The following MOV10L1 variants were observed in gnomAD, a reference collection of about 807,000 sequenced individuals.
MOV10L1 encodes the protein RNA helicase Mov10l1.
MOV10L1 carries 110 observed loss-of-function variants against 143.8 expected under a neutral mutation model. The observed-to-expected ratio is 0.76, with a 90% CI of 0.66 to 0.90. The LOEUF (loss-of-function observed/expected upper bound fraction) is 0.90, where lower values mean the gene tolerates loss of function less well. Among genes scored for constraint, MOV10L1 ranks in the 40% least tolerant of loss-of-function variants. The probability of loss-of-function intolerance (pLI) is 0.00; values close to 1 mark genes in which losing one functional copy is unlikely to be tolerated. For missense variants in MOV10L1, 1,406 were observed against 1,526.8 expected (o/e 0.92, Z 1.32); for synonymous variants, 593 against 581.1 (o/e 1.02, Z -0.29).
At chr22:50,151,923 G>A (rs1439372276) in intron 21 of MOV10L1, among the ~76,000 whole-genome samples, 4 of 152,212 alleles carry the variant, frequency 2.6e-5, no homozygotes, top group South Asian at 4.1e-4. Context: ...CAACCAGAGC[G>A]GCTGCCACAG....
intron 9 of MOV10L1, among the ~76,000 whole-genome samples, chr22:50,117,888 G>A (rs527322887): frequency 6.6e-6 from 1 of 152,274 alleles, no homozygotes; most frequent in South Asian, 2.1e-4. Flanking sequence ...TCTCAGGAAA[G>A]CACTTCACAT....
Position 50,102,076 on chromosome 22 carries a change from G to A in MOV10L1, c.442+2474G>A, listed in dbSNP as rs575614304. Among the ~76,000 whole-genome samples the A allele has an allele frequency of 5.3e-5, 8 of 152,136 alleles. No homozygotes were observed. The South Asian group carries it at 1.0e-3, about 20-fold the overall frequency. On this transcript the variant is annotated intron_variant, in intron 3 of 26. Transcript: ENST00000262794. ...AGGTGTCCCCTGAGTAATAAAGATG[G>A]GCAGGGATCCGGAGCCCAGGCCAAG... is the stretch of plus-strand genomic sequence containing the variant.
intron 6 of MOV10L1, 128 bp downstream of exon 6, chr22:50,113,916 T>TTTTC: frequency 1.4e-6 from 1 of 698,834 alleles, no homozygotes; most frequent in Non-Finnish European, 1.9e-6. Flanking sequence ...TCTTTTCTTT[T>TTTTC]TTTTTTTTTT....
At chr22:50,107,214 A>G (rs9617026) in intron 3 of MOV10L1, among the ~76,000 whole-genome samples, 34,141 of 151,234 alleles carry the variant, frequency 0.23, 4,310 homozygotes, top group Admixed American at 0.35. Flanking sequence ...AGCTGGGACT[A>G]CAGGCGCCTA....
Position 50,142,950 on chromosome 22 carries a change from C to A in MOV10L1, c.2180-93C>A, listed in dbSNP as rs112070205. 2.8e-5 allele frequency: 34 copies of A among 1,226,298 alleles called. 1 individual carries two copies. The highest frequency in any genetic ancestry group is 2.7e-4 in the African/African-American group (18 of 66,600). 76.0% of individuals were successfully genotyped at this position (1,226,298 alleles called of 1,614,324 possible). A position where few individuals can be genotyped will look rare whatever the true frequency, so the allele number is the denominator to read the frequency against. ...CTGTGACTCTGATTTAGCCTTTGCA[C>A]AGACGTGCTGACGCCTGACCTAGGT... On this transcript the variant is annotated intron_variant, in intron 16 of 26. Transcript: ENST00000262794.
chr22:50,140,039 C>T (rs1301240516), intron 15 of MOV10L1, among the ~76,000 whole-genome samples: 1 of 152,236 alleles, frequency 6.6e-6, no homozygotes, highest in African/African-American at 2.4e-5. Context: ...ACAAAGTTCA[C>T]AGCAGCTGGG....
At chr22:50,141,190 A>G (rs2062974738) in intron 15 of MOV10L1, among the ~76,000 whole-genome samples, 1 of 152,140 alleles carries the variant, frequency 6.6e-6, no homozygotes, top group Non-Finnish European at 1.5e-5. Context: ...AGCTGGTGGC[A>G]CCACGGCCAG....
intron 19 of MOV10L1, among the ~76,000 whole-genome samples, chr22:50,147,998 G>A (rs545024894): frequency 1.4e-4 from 21 of 152,352 alleles, no homozygotes; most frequent in African/African-American, 3.4e-4. Flanking sequence ...GCCCGCCCCC[G>A]CACAGGTCTG....
intron 15 of MOV10L1, among the ~76,000 whole-genome samples, chr22:50,137,112 G>T (rs1309577745): frequency 1.3e-5 from 2 of 152,064 alleles, no homozygotes; most frequent in Non-Finnish European, 2.9e-5. Context: ...CACCCAGCAA[G>T]GTATAAAATG....
rs527305030 is a variant in MOV10L1 at position 50,116,621 on chromosome 22, ATG to A, written c.1260-532_1260-531del. Among the ~76,000 whole-genome samples, 35 of 146,884 alleles carry A rather than the reference ATG, an allele frequency of 2.4e-4. No homozygotes were observed. In the South Asian group the frequency reaches 7.3e-3, roughly 31 times the overall value. ...TATCAAAATTTTTTCCTACTCTTATATGTGTTAGGATTACAAAAAAGACTATT... is the reference window on the plus strand; with the variant it reads ...TATCAAAATTTTTTCCTACTCTTATATGTTAGGATTACAAAAAAGACTATT... On this transcript the variant is annotated intron_variant, in intron 8 of 26. Coordinates refer to ENST00000262794, the MANE Select transcript of MOV10L1 (RefSeq NM_018995.3).
chr22:50,161,187 A>T, intron 26 of MOV10L1, 132 bp downstream of exon 26: 1 of 1,078,736 alleles, frequency 9.3e-7, no homozygotes, highest in Non-Finnish European at 1.4e-6. Flanking sequence ...CACCGTCCTC[A>T]CCTCATCCTG....
rs143597850 is a variant in MOV10L1, at chr22:50,107,594, C to T, written c.443-542C>T. ...GCAGACCATCTCTCTGTTCTGTCAG[C>T]ACCACTCAGCCACTTCATGTCACTG... On this transcript the variant is annotated intron_variant, in intron 3 of 26. Transcript: ENST00000262794. Among the ~76,000 whole-genome samples, 364 of 152,302 alleles carry T rather than the reference C, an allele frequency of 2.4e-3. 2 individuals are homozygous for T. The highest frequency in any genetic ancestry group is 0.01 in the Middle Eastern group (3 of 294).
chr22:50,098,967 T>C (rs1254485933), intron 2 of MOV10L1, among the ~76,000 whole-genome samples: 1 of 152,248 alleles, frequency 6.6e-6, no homozygotes. Context: ...ATATGTTGAC[T>C]GATTTTCATA....
chr22:50,140,729 C>CTT (rs3042026), intron 15 of MOV10L1, among the ~76,000 whole-genome samples: 4 of 147,670 alleles, frequency 2.7e-5, no homozygotes, highest in Middle Eastern at 3.2e-3. Context: ...TAACGTGAAA[C>CTT]TTTTTTTTTT....
intron 22 of MOV10L1, among the ~76,000 whole-genome samples, chr22:50,153,535 A>G (rs138274): frequency 0.69 from 105,694 of 152,140 alleles, 37,876 homozygotes; most frequent in South Asian, 0.8. Flanking sequence ...TCGCAGGGCC[A>G]TGTGGCTGGG....
rs569128660 is a variant in MOV10L1 at position 50,090,638 on chromosome 22, C to T, written c.97+453C>T. ...GCCCATCTTTCTAAAGCCCGGGATG[C>T]GCCCGGATGCCCTCACCGTTCCTTT... On this transcript the variant is annotated intron_variant, in intron 1 of 26. Transcript: ENST00000262794. The T allele has an allele frequency of 3.4e-5, 41 of 1,205,122 alleles. No homozygotes were observed. The Middle Eastern group carries it at 5.7e-4, about 17-fold the overall frequency. The allele number at this position is 1,205,122 out of a possible 1,614,324, so 74.7% of individuals were successfully genotyped here. A position where few individuals can be genotyped will look rare whatever the true frequency, so the allele number is the denominator to read the frequency against.
rs2063344809 is a variant in MOV10L1 at position 50,153,292 on chromosome 22, T to TGAG, written c.3066+76_3066+78dup. 8.1e-6 allele frequency: 12 copies of TGAG among 1,475,302 alleles called. No homozygotes were observed. The South Asian group carries it at 1.5e-4, about 18-fold the overall frequency. The allele number at this position is 1,475,302 out of a possible 1,614,324, so 91.4% of individuals were successfully genotyped here. On this transcript the variant is annotated intron_variant, in intron 22 of 26. Coordinates refer to ENST00000262794, the MANE Select transcript of MOV10L1 (RefSeq NM_018995.3). ...ATGGCAGGAGGTCCTTCCTCCCAGG[T>TGAG]GAGGCTCTGTCACCTGCCTGTGGCG...
chr22:50,138,598 T>TA (rs1183983894), intron 15 of MOV10L1, among the ~76,000 whole-genome samples: 2 of 152,028 alleles, frequency 1.3e-5, no homozygotes, highest in Non-Finnish European at 2.9e-5. Context: ...TGATGGAATC[T>TA]AAAATGAAGC....
intron 9 of MOV10L1, among the ~76,000 whole-genome samples, chr22:50,118,058 G>A (rs138224): frequency 0.23 from 35,544 of 152,112 alleles, 4,599 homozygotes; most frequent in Non-Finnish European, 0.29. Context: ...CTGAGGGTGA[G>A]GTGGGTCACT....
Sources: gnomAD v4.1 joint callset for allele counts (sites outside exome capture counted in the v4.1 genomes callset) on GRCh38, gnomAD v4.1.1 for gene constraint, MANE v1.5 for transcripts, NCBI Gene and HGNC (gene_info 2026-07-23, HGNC 2026-07-21) for gene names.